CDS1: variants seen among roughly 807,000 people sequenced by gnomAD.
CDS1 encodes the protein phosphatidate cytidylyltransferase 1.
Under a neutral mutation model 62.1 loss-of-function variants are expected in CDS1, and 41 were observed. The ratio of observed to expected loss-of-function variants is 0.66; its 90% CI spans 0.51 to 0.86. CDS1 has a LOEUF of 0.86. Ranked by LOEUF, CDS1 falls within the 40% of genes least tolerant of loss-of-function variation. The probability of loss-of-function intolerance (pLI) is 0.00; values close to 1 mark genes in which losing one functional copy is unlikely to be tolerated. For missense variants in CDS1, 470 were observed against 550.1 expected, an observed-to-expected ratio of 0.85 and a Z score of 1.46; for synonymous variants, 185 against 192.6, an observed-to-expected ratio of 0.96 and a Z score of 0.32.
At chr4:84,634,850 A>G (rs1724128916) in intron 7 of CDS1, among the ~76,000 whole-genome samples, 1 of 152,220 alleles carries the variant, frequency 6.6e-6, no homozygotes, top group South Asian at 2.1e-4. Context: ...ATATGTATTA[A>G]GAGCTTGATA....
At chr4:84,633,756 C>T (rs1724093270) in intron 6 of CDS1, 101 bp from the exon 7 acceptor site, 2 of 573,976 alleles carry the variant, frequency 3.5e-6, no homozygotes, top group Non-Finnish European at 5.8e-6. Context: ...ACATTTTGAC[C>T]AAAAGTCATG....
chr4:84,600,431 CA>C, intron 1 of CDS1, among the ~76,000 whole-genome samples: 1 of 152,164 alleles, frequency 6.6e-6, no homozygotes, highest in Admixed American at 6.5e-5. Flanking sequence ...TTTGCCTAAC[CA>C]AGGTCCCAGA....
intron 2 of CDS1, 62 bp downstream of exon 2, chr4:84,604,432 TC>T: frequency 6.5e-7 from 1 of 1,542,186 alleles, no homozygotes; most frequent in African/African-American, 1.4e-5. Context: ...GTTATCCTTG[TC>T]CATGTAATAA....
At chr4:84,601,696 T>C (rs1438142568) in intron 1 of CDS1, among the ~76,000 whole-genome samples, 4 of 152,126 alleles carry the variant, frequency 2.6e-5, no homozygotes, top group Non-Finnish European at 4.4e-5. Flanking sequence ...GCGGATCACC[T>C]GAGGTCAGGA....
chr4:84,591,306 A>G (rs1479561416), intron 1 of CDS1, among the ~76,000 whole-genome samples: 1 of 152,212 alleles, frequency 6.6e-6, no homozygotes, highest in Admixed American at 6.5e-5. Flanking sequence ...CCAAAAATAC[A>G]GATTTTATTT....
intron 6 of CDS1, among the ~76,000 whole-genome samples, chr4:84,633,131 G>A (rs912357138): frequency 3.3e-5 from 5 of 152,014 alleles, no homozygotes; most frequent in African/African-American, 1.2e-4. Flanking sequence ...CTCAAGGGTG[G>A]GGGTCCAGGG....
intron 10 of CDS1, among the ~76,000 whole-genome samples, chr4:84,641,216 GCCA>G (rs1464756605): frequency 6.6e-6 from 1 of 152,006 alleles, no homozygotes; most frequent in Non-Finnish European, 1.5e-5. Flanking sequence ...ACAGGCGCTC[GCCA>G]CCACATCTCG....
chr4:84,590,965 A>G (rs2110034266), intron 1 of CDS1, among the ~76,000 whole-genome samples: 1 of 152,354 alleles, frequency 6.6e-6, no homozygotes. Context: ...GGTGAGAGAC[A>G]TGACTGCTGA....
chr4:84,647,356 CAT>C (rs1235936566), intron 12 of CDS1, among the ~76,000 whole-genome samples: 1 of 151,976 alleles, frequency 6.6e-6, no homozygotes, highest in Non-Finnish European at 1.5e-5. Flanking sequence ...GGCATTAACT[CAT>C]ATGCTTTCTT....
chr4:84,641,991 G>C (rs1266219958), intron 10 of CDS1, among the ~76,000 whole-genome samples: 1 of 152,134 alleles, frequency 6.6e-6, no homozygotes, highest in Non-Finnish European at 1.5e-5. Flanking sequence ...GCTAGTGTTT[G>C]ATTAGGAGCA....
rs528985153 is a variant in CDS1 at position 84,630,901 on chromosome 4, A to G, written c.581-918A>G. Reference sequence around the variant, plus strand: ...ATATATTTTCAATATCCACCTCTGTAAAATAAACCTATCTTTAGACGTTTA... The same window carrying G: ...ATATATTTTCAATATCCACCTCTGTGAAATAAACCTATCTTTAGACGTTTA... On this transcript the variant is annotated intron_variant, in intron 5 of 12. Coordinates refer to ENST00000295887, the MANE Select transcript of CDS1 (RefSeq NM_001263.4). 3.7e-3 allele frequency among the ~76,000 whole-genome samples: 562 copies of G among 152,340 alleles called. 6 individuals carry two copies. Among genetic ancestry groups the G allele is most frequent in the South Asian group, 0.021 (100 of 4,824 alleles).
intron 2 of CDS1, among the ~76,000 whole-genome samples, chr4:84,608,158 A>C (rs1239086631): frequency 1.3e-5 from 2 of 152,186 alleles, no homozygotes; most frequent in Non-Finnish European, 2.9e-5. Flanking sequence ...GGAGCAAAGA[A>C]AGGCCCAAGG....
chr4:84,626,458 T>C (rs1243790874), intron 5 of CDS1, among the ~76,000 whole-genome samples: 1 of 152,204 alleles, frequency 6.6e-6, no homozygotes, highest in African/African-American at 2.4e-5. Context: ...ATGTACTTTT[T>C]GTTTGTTATT....
intron 5 of CDS1, among the ~76,000 whole-genome samples, chr4:84,620,488 C>A (rs1218506508): frequency 7.9e-5 from 12 of 151,828 alleles, no homozygotes; most frequent in Admixed American, 7.2e-4. Flanking sequence ...TCCCAAAGTG[C>A]TGGGATTACA....
intron 1 of CDS1, among the ~76,000 whole-genome samples, chr4:84,593,967 A>G (rs1359983040): frequency 6.6e-6 from 1 of 152,118 alleles, no homozygotes. Flanking sequence ...CCTTTAAGTA[A>G]TTGCTCCCAG....
Position 84,635,275 on chromosome 4 carries a change from C to A in CDS1, c.734C>A (p.Pro245Gln). 2 of 1,523,648 alleles carry A rather than the reference C, an allele frequency of 1.3e-6. No individual in the cohort carries two copies. The highest frequency in any genetic ancestry group is 8.9e-7 in the Non-Finnish European group (1 of 1,125,614). 94.4% of individuals were successfully genotyped at this position (1,523,648 alleles called of 1,614,324 possible). ...LFEGMIWFLVPISSVICNDIT... is the reference protein window; with the variant it reads ...LFEGMIWFLVQISSVICNDIT... ...TTTTTTAAAAACAGGTTCCTTGTTC[C>A]AATATCAAGTGTTATCTGCAATGAC... is the stretch of plus-strand genomic sequence containing the variant. The change falls in exon 8 of 13, where the codon CCA (proline) becomes CAA (glutamine). Residue 245 changes from proline (P) to glutamine (Q), a missense_variant. Around this residue, in one of 5 missense-constraint regions of CDS1, gnomAD observed 214 missense variants for 242.4 expected, o/e 0.88. Transcript: ENST00000295887.
chr4:84,612,702 A>G (rs1723362106), intron 3 of CDS1, among the ~76,000 whole-genome samples: 1 of 152,178 alleles, frequency 6.6e-6, no homozygotes, highest in Admixed American at 6.5e-5. Flanking sequence ...AAGAGTATTA[A>G]AGATCTGGCC....
chr4:84,627,525 G>A (rs1397504498), intron 5 of CDS1, among the ~76,000 whole-genome samples: 1 of 152,158 alleles, frequency 6.6e-6, no homozygotes, highest in East Asian at 1.9e-4. Flanking sequence ...GCAGTGATGT[G>A]TAAACAGACT....
chr4:84,604,474 G>A lies in CDS1; in HGVS notation c.245+104G>A. On this transcript the variant is annotated intron_variant, in intron 2 of 12. Coordinates refer to ENST00000295887, the MANE Select transcript of CDS1 (RefSeq NM_001263.4). ...GCTTTTTGTAAGTTTTCCAGCCATG[G>A]TATTAGGTGGTCAAAAAGGCCACCT... 5 of 1,093,734 alleles carry A rather than the reference G, an allele frequency of 4.6e-6. 1 individual carries two copies. In the South Asian group the frequency reaches 7.6e-5, roughly 17 times the overall value. The allele number at this position is 1,093,734 out of a possible 1,614,324, so 67.8% of individuals were successfully genotyped here. A position where few individuals can be genotyped will look rare whatever the true frequency, so the allele number is the denominator to read the frequency against.
Sources: allele counts gnomAD v4.1 joint callset (sites outside exome capture counted in the v4.1 genomes callset), GRCh38; gene constraint gnomAD v4.1.1; regional missense constraint gnomAD v4.1.1; transcripts MANE v1.5; gene names NCBI Gene and HGNC (gene_info 2026-07-23, HGNC 2026-07-21).